The following HK1 variants were observed in gnomAD, a reference collection of about 807,000 sequenced individuals.
The protein encoded by HK1 is hexokinase 1.
Under a neutral mutation model 91.6 loss-of-function variants are expected in HK1, and 28 were observed. The observed-to-expected ratio is 0.31, with a 90% CI of 0.23 to 0.42. The LOEUF is 0.42. Among genes scored for constraint, HK1 ranks in the 10% least tolerant of loss-of-function variants. The pLI is 1.00. For synonymous variants in HK1, 430 were observed against 468.1 expected (o/e 0.92, Z 1.05); for missense variants, 770 against 1,219.8 (o/e 0.63, Z 5.49).
At chr10:69,288,880 G>C in intron 3 of HK1, 1 of 875,418 alleles carries the variant, frequency 1.1e-6, no homozygotes, top group Middle Eastern at 2.9e-4. Context: ...TCTGCCTCCC[G>C]GGTTCAAGCG....
chr10:69,288,626 G>T, intron 2 of HK1: 2 of 930,130 alleles, frequency 2.2e-6, no homozygotes, highest in South Asian at 1.3e-5. Context: ...AAATGAGACC[G>T]ACAATCCTCT....
chr10:69,318,010 C>T (rs926178310), upstream of HK1: 4 of 980,394 alleles, frequency 4.1e-6, no homozygotes, highest in African/African-American at 5.3e-5. Flanking sequence ...TCCCAGTGGG[C>T]CTGGATGCCC....
chr10:69,375,852 A>G (rs757241110), intron 7 of HK1, among the ~76,000 whole-genome samples: 27 of 152,246 alleles, frequency 1.8e-4, no homozygotes, highest in Non-Finnish European at 3.5e-4. Flanking sequence ...GCCTTCAGCA[A>G]TGCGTGTTGG....
Position 69,360,170 on chromosome 10 carries a change from A to G in HK1, c.375+125A>G. 3 of 893,784 alleles carry G rather than the reference A, an allele frequency of 3.4e-6. No individual in the cohort carries two copies. The South Asian group carries it at 4.1e-5, about 12-fold the overall frequency. The allele number at this position is 893,784 out of a possible 1,614,324, so 55.4% of individuals were successfully genotyped here. A position where few individuals can be genotyped will look rare whatever the true frequency, so the allele number is the denominator to read the frequency against. ...AGAGGGTTGCTGGAAAGAGTCCCTC[A>G]TAGATGCATATGTAAAAGGACTCCT... On this transcript the variant is annotated intron_variant, in intron 3 of 17. Coordinates refer to ENST00000359426, the MANE Select transcript of HK1 (RefSeq NM_000188.3).
intron 5 of HK1, among the ~76,000 whole-genome samples, chr10:69,307,082 C>T (rs1027092871): frequency 2.6e-5 from 4 of 152,104 alleles, no homozygotes; most frequent in African/African-American, 9.7e-5. Flanking sequence ...TTTCGGGTGC[C>T]CATGGGACAT....
chr10:69,394,882 G>A, intron 15 of HK1, 68 bp from the exon 16 acceptor site: 1 of 1,533,038 alleles, frequency 6.5e-7, no homozygotes, highest in East Asian at 2.3e-5. Flanking sequence ...GAGTGACCGT[G>A]AGACCGAGGG....
upstream of HK1, among the ~76,000 whole-genome samples, chr10:69,314,220 C>T (rs554358320): frequency 3.3e-5 from 5 of 152,186 alleles, no homozygotes; most frequent in Non-Finnish European, 7.3e-5. Context: ...CCAGATGTTC[C>T]CATGGAAAGC....
intron 1 of HK1, among the ~76,000 whole-genome samples, chr10:69,270,306 C>T (rs924238351): frequency 1.3e-5 from 2 of 152,054 alleles, no homozygotes; most frequent in East Asian, 1.9e-4. Context: ...TTTGGCTGGG[C>T]GTGGTGGCTC....
intron 16 of HK1, 143 bp from the exon 17 acceptor site, chr10:69,398,452 C>T (rs543641507): frequency 1.1e-4 from 81 of 705,044 alleles, no homozygotes; most frequent in South Asian, 1.1e-3. Flanking sequence ...AAATTCTCCA[C>T]AGTTTAACAT....
intron 2 of HK1, among the ~76,000 whole-genome samples, chr10:69,355,853 C>A (rs1817528328): frequency 6.6e-6 from 1 of 151,854 alleles, no homozygotes; most frequent in Non-Finnish European, 1.5e-5. Context: ...TGACTTTTGA[C>A]AAGAATGCTA....
intron 1 of HK1, among the ~76,000 whole-genome samples, chr10:69,270,718 T>C (rs1223383810): frequency 6.6e-6 from 1 of 152,246 alleles, no homozygotes; most frequent in Non-Finnish European, 1.5e-5. Flanking sequence ...CCCATGTTGC[T>C]GCCTTTCCAG....
rs766417778 is a variant in HK1, at chr10:69,369,358, A to G, written c.691+22A>G. 7 of 1,613,678 alleles carry G rather than the reference A, an allele frequency of 4.3e-6. No individual in the cohort carries two copies. The East Asian group carries it at 6.7e-5, about 15-fold the overall frequency. ...ATCGGTAATGCATTCCCCTTTGCCC[A>G]TCCATTTGTTCGGCCCATCTTTCCA... On this transcript the variant is annotated intron_variant, in intron 6 of 17. Coordinates refer to ENST00000359426, the MANE Select transcript of HK1 (RefSeq NM_000188.3). This position sits in a 1 kb window ranked among gnomAD's most constrained non-coding sequence, Gnocchi z 4.4.
At chr10:69,303,029 T>C (rs1470693625) in intron 5 of HK1, among the ~76,000 whole-genome samples, 1 of 152,204 alleles carries the variant, frequency 6.6e-6, no homozygotes, top group Admixed American at 6.5e-5. Flanking sequence ...TCCTTCCCTG[T>C]CCATCCTGAC....
At chr10:69,400,794 A>G (rs73274861) in intron 17 of HK1, among the ~76,000 whole-genome samples, 197 bp from the exon 18 acceptor site, 8,749 of 152,126 alleles carry the variant, frequency 0.058, 759 homozygotes, top group African/African-American at 0.19. Flanking sequence ...CCTCCCAACC[A>G]TGTTCACCCT....
chr10:69,395,190 T>A, intron 16 of HK1, 85 bp downstream of exon 16: 2 of 1,390,616 alleles, frequency 1.4e-6, no homozygotes. Flanking sequence ...GTAGGGACCC[T>A]AGGGGACATT....
chr10:69,293,467 C>T (rs1476571070), intron 3 of HK1, among the ~76,000 whole-genome samples: 1 of 152,204 alleles, frequency 6.6e-6, no homozygotes, highest in Non-Finnish European at 1.5e-5. Flanking sequence ...GTCATTTCTG[C>T]CTCCAACCTT....
chr10:69,282,579 A>G (rs564920148), exon 2 of HK1: 1 of 152,202 alleles, frequency 6.6e-6, no homozygotes, highest in Non-Finnish European at 1.5e-5. Context: ...TGTTCCTGAG[A>G]AGGAAAAGAG....
intron 5 of HK1, among the ~76,000 whole-genome samples, chr10:69,301,802 A>G (rs1019059422): frequency 3.9e-5 from 6 of 152,200 alleles, no homozygotes; most frequent in Non-Finnish European, 8.8e-5. Context: ...TAATATATAG[A>G]TTCAACCCAA....
chr10:69,329,147 C>T (rs1324198242), intron 1 of HK1, among the ~76,000 whole-genome samples: 2 of 149,970 alleles, frequency 1.3e-5, no homozygotes, highest in Non-Finnish European at 2.9e-5. Context: ...TTTGTATAGA[C>T]ATGCTTTCTT....
Sources: allele counts gnomAD v4.1 joint callset (sites outside exome capture counted in the v4.1 genomes callset), GRCh38; gene constraint gnomAD v4.1.1; non-coding constraint Gnocchi (gnomAD v3.1); transcripts MANE v1.5; gene names NCBI Gene and HGNC (gene_info 2026-07-23, HGNC 2026-07-21).